Variants in PPP1R1C observed in about 807,000 individuals in gnomAD.
PPP1R1C encodes the protein protein phosphatase 1 regulatory subunit 1C.
PPP1R1C carries 15 observed loss-of-function variants against 17.4 expected under a neutral mutation model. The observed-to-expected ratio is 0.86, with a 90% CI of 0.58 to 1.33. PPP1R1C has a LOEUF of 1.33. Among genes scored for constraint, PPP1R1C ranks in the 40% most tolerant of loss-of-function variants. PPP1R1C has a pLI of 0.00. For synonymous variants in PPP1R1C, 35 were observed against 43.1 expected (o/e 0.81, Z 0.73); for missense variants, 143 against 130.0 (o/e 1.10, Z -0.48).
chr2:182,015,158 C>G (rs993908582), intron 2 of PPP1R1C, among the ~76,000 whole-genome samples: 9 of 152,146 alleles, frequency 5.9e-5, no homozygotes, highest in African/African-American at 2.2e-4. Context: ...CAAATCTCAT[C>G]TTGAATTGTA....
intron 2 of PPP1R1C, among the ~76,000 whole-genome samples, chr2:182,027,987 G>A (rs1338112599): frequency 1.6e-5 from 2 of 127,648 alleles, no homozygotes; most frequent in African/African-American, 6.0e-5. Flanking sequence ...AGATTTTCTA[G>A]TTTATTTGCG....
chr2:182,089,955 G>T (rs1201482381), intron 4 of PPP1R1C, among the ~76,000 whole-genome samples: 1 of 151,776 alleles, frequency 6.6e-6, no homozygotes, highest in Non-Finnish European at 1.5e-5. Flanking sequence ...ATTTTTAAAT[G>T]CTTATAATAT....
intron 2 of PPP1R1C, among the ~76,000 whole-genome samples, chr2:182,016,736 A>G (rs1686271697): frequency 6.6e-6 from 1 of 152,226 alleles, no homozygotes; most frequent in African/African-American, 2.4e-5. Flanking sequence ...TATAAAACAT[A>G]GGAACCATTT....
At chr2:182,039,413 C>A (rs1245257171) in intron 2 of PPP1R1C, among the ~76,000 whole-genome samples, 1 of 152,038 alleles carries the variant, frequency 6.6e-6, no homozygotes, top group Non-Finnish European at 1.5e-5. Flanking sequence ...TGAGACAGAT[C>A]TCACTCTGTC....
chr2:181,975,361 T>A (rs1055379889), intron 2 of PPP1R1C: 13 of 152,016 alleles, frequency 8.6e-5, no homozygotes, highest in Non-Finnish European at 1.5e-5. Context: ...CCTACATCAG[T>A]GATGGTGCAT....
At chr2:182,053,156 C>G (rs1687577263) in intron 2 of PPP1R1C, among the ~76,000 whole-genome samples, 1 of 152,164 alleles carries the variant, frequency 6.6e-6, no homozygotes, top group African/African-American at 2.4e-5. Context: ...CAATTCTGCT[C>G]TTAGAGTAGG....
intron 2 of PPP1R1C, among the ~76,000 whole-genome samples, chr2:181,979,049 T>C (rs1685147814): frequency 6.6e-6 from 1 of 152,194 alleles, no homozygotes; most frequent in African/African-American, 2.4e-5. Context: ...TTGGAATCCT[T>C]ATATCAATTC....
At position 181,971,311 on chromosome 2, in the gene PPP1R1C, C is replaced by G. The variant is rs76348127; in HGVS notation, n.112-3908C>G. On this transcript the variant is annotated intron_variant and non_coding_transcript_variant, in intron 1 of 5. Transcript: ENST00000464264. Reference sequence around the variant, plus strand: ...CAAATCCTGCCAGGACTGGGTCCATCCCTTCAAGGCAGCGAGTTTCCTTTT... The same window carrying G: ...CAAATCCTGCCAGGACTGGGTCCATGCCTTCAAGGCAGCGAGTTTCCTTTT... Among the ~76,000 whole-genome samples the G allele has an allele frequency of 5.1e-3, 770 of 152,220 alleles. 10 individuals carry two copies. The highest frequency in any genetic ancestry group is 0.017 in the African/African-American group (721 of 41,540).
Position 182,020,360 on chromosome 2 carries a change from G to A in PPP1R1C, c.142+32461G>A, listed in dbSNP as rs573648502. Among the ~76,000 whole-genome samples, 3 of 152,264 alleles carry A rather than the reference G, an allele frequency of 2.0e-5. No homozygotes were observed. In the East Asian group the frequency reaches 5.8e-4, roughly 29 times the overall value. On this transcript the variant is annotated intron_variant, in intron 2 of 4. Transcript: ENST00000682840. ...ATGTTCATGCGTTCTGGAATTGGGG[G>A]TTAGAGAATGAGAAGGACTGTGCAA... is the stretch of plus-strand genomic sequence containing the variant.
chr2:182,014,400 A>ATC (rs745754937), intron 2 of PPP1R1C, among the ~76,000 whole-genome samples: 8 of 151,854 alleles, frequency 5.3e-5, no homozygotes, highest in African/African-American at 9.7e-5. Context: ...AACAAACAGA[A>ATC]TCTCTCTCTC....
chr2:182,125,029 T>G (rs1179257086), intron 5 of PPP1R1C, among the ~76,000 whole-genome samples: 1 of 152,214 alleles, frequency 6.6e-6, no homozygotes, highest in African/African-American at 2.4e-5. Flanking sequence ...ATATTGGCTG[T>G]GGATTTCTCA....
intron 4 of PPP1R1C, among the ~76,000 whole-genome samples, chr2:182,096,773 T>TGTTAC (rs1688953030): frequency 2.0e-5 from 3 of 152,178 alleles, no homozygotes; most frequent in African/African-American, 7.2e-5. Context: ...TGTCCTAATT[T>TGTTAC]TGCCACCCAC....
chr2:182,087,142 C>T lies in PPP1R1C; in HGVS notation c.241+23351C>T, dbSNP rs750967021. ...TTGTTATCATTGTTGTTTGAGCTGT[C>T]GATAGTTTTCACCTGGACTACTGCA... is the stretch of plus-strand genomic sequence containing the variant. On this transcript the variant is annotated intron_variant, in intron 4 of 4. Coordinates refer to ENST00000682840, the MANE Select transcript of PPP1R1C (RefSeq NM_001080545.3). Among the ~76,000 whole-genome samples, 4 of 152,314 alleles carry T rather than the reference C, an allele frequency of 2.6e-5. 1 individual carries two copies. Among genetic ancestry groups the T allele is most frequent in the Middle Eastern group, 3.4e-3 (1 of 294 alleles).
intron 1 of PPP1R1C, among the ~76,000 whole-genome samples, chr2:181,964,370 A>G (rs1303871221): frequency 1.3e-5 from 2 of 152,202 alleles, no homozygotes; most frequent in African/African-American, 4.8e-5. Flanking sequence ...TGGTTTGTTG[A>G]TGGACACTTA....
intron 4 of PPP1R1C, among the ~76,000 whole-genome samples, chr2:182,114,690 T>G (rs1027498231): frequency 6.6e-6 from 1 of 152,178 alleles, no homozygotes; most frequent in African/African-American, 2.4e-5. Flanking sequence ...GCTGAACAGC[T>G]CTGTGGTAAC....
chr2:182,067,693 A>G (rs1218810172), intron 4 of PPP1R1C, among the ~76,000 whole-genome samples: 1 of 152,138 alleles, frequency 6.6e-6, no homozygotes, highest in Non-Finnish European at 1.5e-5. Context: ...AAAGAAAAAT[A>G]TATTCAAATA....
At chr2:182,000,159 A>G (rs569417324) in intron 2 of PPP1R1C, among the ~76,000 whole-genome samples, 1 of 152,316 alleles carries the variant, frequency 6.6e-6, no homozygotes, top group Admixed American at 6.5e-5. Context: ...ACCAGCTAGC[A>G]GTAAGTCAGT....
At chr2:181,955,855 G>A (rs769045216) in intron 1 of PPP1R1C, among the ~76,000 whole-genome samples, 3 of 152,072 alleles carry the variant, frequency 2.0e-5, no homozygotes, top group South Asian at 2.1e-4. Context: ...TTTTGTCTAT[G>A]CATGTTTTAA....
Position 181,961,965 on chromosome 2 carries a change from G to C in PPP1R1C, n.111+7331G>C. 1 of 735,778 alleles carries C rather than the reference G, an allele frequency of 1.4e-6. No homozygotes were observed. The highest frequency in any genetic ancestry group is 1.7e-5 in the Admixed American group (1 of 57,754). The allele number at this position is 735,778 out of a possible 1,614,324, so 45.6% of individuals were successfully genotyped here. On this transcript the variant is annotated intron_variant and non_coding_transcript_variant, in intron 1 of 5. Transcript: ENST00000464264. The surrounding 1 kb of genome is among the most constrained non-coding windows in gnomAD (Gnocchi z 5.8). ...CTCCCCACAGACGGGTGCATGGCCA[G>C]CTCTGTCTCATACTTGACTCTAAAG...
Sources: allele counts gnomAD v4.1 joint callset (sites outside exome capture counted in the v4.1 genomes callset), GRCh38; gene constraint gnomAD v4.1.1; non-coding constraint Gnocchi (gnomAD v3.1); transcripts MANE v1.5; gene names NCBI Gene and HGNC (gene_info 2026-07-23, HGNC 2026-07-21).